RAD51B: variants seen among roughly 807,000 people sequenced by gnomAD.
The protein encoded by RAD51B is RAD51 paralog B, also known as DNA repair protein RAD51 homolog 2.
A neutral mutation model predicts 42.2 loss-of-function variants in RAD51B; 38 were observed. The observed-to-expected ratio is 0.90, with a 90% CI of 0.70 to 1.18. RAD51B has a LOEUF of 1.18. Among genes scored for constraint, RAD51B ranks in the 50% most tolerant of loss-of-function variants. The probability of loss-of-function intolerance (pLI) is 0.00; values close to 1 mark genes in which losing one functional copy is unlikely to be tolerated. For synonymous variants in RAD51B, 154 were observed against 145.2 expected (o/e 1.06, Z -0.43); for missense variants, 373 against 400.7 (o/e 0.93, Z 0.59).
intron 8 of RAD51B, among the ~76,000 whole-genome samples, chr14:68,351,729 A>C (rs2082793824): frequency 6.6e-6 from 1 of 152,244 alleles, no homozygotes; most frequent in Non-Finnish European, 1.5e-5. Context: ...GTGCGGGATT[A>C]GACCACAGTC....
chr14:67,946,625 C>G (rs964252036), intron 7 of RAD51B, among the ~76,000 whole-genome samples: 2 of 152,234 alleles, frequency 1.3e-5, no homozygotes, highest in African/African-American at 4.8e-5. Flanking sequence ...CTCGGCCTCC[C>G]AAAGTGTTGG....
intron 7 of RAD51B, among the ~76,000 whole-genome samples, chr14:68,201,806 A>G (rs181190289): frequency 6.6e-6 from 1 of 152,354 alleles, no homozygotes; most frequent in East Asian, 1.9e-4. Flanking sequence ...ATGTTAGTCA[A>G]TGACCGTTTT....
At chr14:67,960,099 A>T (rs2074632981) in intron 7 of RAD51B, among the ~76,000 whole-genome samples, 1 of 151,938 alleles carries the variant, frequency 6.6e-6, no homozygotes, top group Admixed American at 6.6e-5. Context: ...AAAAAAAAGA[A>T]GTGTGTGTGT....
chr14:68,459,738 C>G (rs2085796045), intron 9 of RAD51B, among the ~76,000 whole-genome samples: 1 of 152,222 alleles, frequency 6.6e-6, no homozygotes, highest in Non-Finnish European at 1.5e-5. Flanking sequence ...TGCTGAACTT[C>G]TCTTTGCTGA....
intron 4 of RAD51B, among the ~76,000 whole-genome samples, chr14:67,862,471 A>C (rs1028025135): frequency 6.6e-6 from 1 of 152,100 alleles, no homozygotes; most frequent in Non-Finnish European, 1.5e-5. Context: ...TAAAAATGTT[A>C]AAATGTGACA....
intron 7 of RAD51B, among the ~76,000 whole-genome samples, chr14:68,166,880 A>G (rs2078764498): frequency 6.6e-6 from 1 of 151,454 alleles, no homozygotes; most frequent in Non-Finnish European, 1.5e-5. Flanking sequence ...AAGCTGAAAA[A>G]CCCTCACCCC....
intron 9 of RAD51B, among the ~76,000 whole-genome samples, chr14:68,454,807 T>C (rs1416359177): frequency 6.6e-6 from 1 of 152,130 alleles, no homozygotes; most frequent in Non-Finnish European, 1.5e-5. Context: ...CATTACCAGG[T>C]AGTGCCAACA....
intron 7 of RAD51B, among the ~76,000 whole-genome samples, chr14:68,247,382 A>G (rs1171753223): frequency 6.6e-6 from 1 of 152,224 alleles, no homozygotes; most frequent in Non-Finnish European, 1.5e-5. Flanking sequence ...GTCATCATAG[A>G]ACTGGAAGGC....
At chr14:68,584,444 G>A (rs1890359627) in intron 10 of RAD51B, among the ~76,000 whole-genome samples, 2 of 152,050 alleles carry the variant, frequency 1.3e-5, no homozygotes, top group African/African-American at 4.8e-5. Flanking sequence ...TTACAATCGA[G>A]CAAGCCTCTT....
chr14:68,437,952 T>C (rs73278308), intron 9 of RAD51B, among the ~76,000 whole-genome samples: 2,330 of 152,180 alleles, frequency 0.015, 64 homozygotes, highest in African/African-American at 0.053. Context: ...GAACAAAGGC[T>C]CTGAGGTGGG....
chr14:68,510,003 C>G (rs899212647), intron 10 of RAD51B, among the ~76,000 whole-genome samples: 1 of 152,166 alleles, frequency 6.6e-6, no homozygotes, highest in East Asian at 1.9e-4. Flanking sequence ...TACACAGGAC[C>G]AGGTTCTGTG....
At chr14:67,869,631 T>C (rs992321893) in intron 5 of RAD51B, among the ~76,000 whole-genome samples, 1 of 152,014 alleles carries the variant, frequency 6.6e-6, no homozygotes, top group Non-Finnish European at 1.5e-5. Flanking sequence ...AGACACATAA[T>C]TGTCAGATTC....
At chr14:68,364,494 G>A (rs550151853) in intron 8 of RAD51B, among the ~76,000 whole-genome samples, 36 of 152,236 alleles carry the variant, frequency 2.4e-4, no homozygotes, top group Admixed American at 1.6e-3. Flanking sequence ...GAGGACCGCC[G>A]GGCGCGGTGG....
chr14:68,329,315 G>A (rs2082303581), intron 8 of RAD51B, among the ~76,000 whole-genome samples: 1 of 152,088 alleles, frequency 6.6e-6, no homozygotes, highest in South Asian at 2.1e-4. Flanking sequence ...GGCTTATTAT[G>A]TCAATTTGAA....
At chr14:68,499,879 G>A (rs1378958067) in intron 10 of RAD51B, among the ~76,000 whole-genome samples, 1 of 152,190 alleles carries the variant, frequency 6.6e-6, no homozygotes, top group African/African-American at 2.4e-5. Flanking sequence ...GGACTATAGA[G>A]AATACATTTC....
chr14:68,279,212 T>A (rs879452405), intron 7 of RAD51B, among the ~76,000 whole-genome samples: 1 of 152,204 alleles, frequency 6.6e-6, no homozygotes, highest in African/African-American at 2.4e-5. Context: ...GAGGAGTCCA[T>A]GAGAAGGAAC....
intron 7 of RAD51B, among the ~76,000 whole-genome samples, chr14:68,258,799 C>T (rs904800979): frequency 6.6e-6 from 1 of 152,156 alleles, no homozygotes; most frequent in Admixed American, 6.5e-5. Flanking sequence ...TTGGTATTAA[C>T]TTAGACTTTT....
At chr14:68,066,133 A>G (rs902534700) in intron 7 of RAD51B, among the ~76,000 whole-genome samples, 4 of 152,238 alleles carry the variant, frequency 2.6e-5, no homozygotes, top group Admixed American at 6.5e-5. Context: ...TTTATACAGT[A>G]TAGTCTTATG....
At chr14:68,224,996 A>T (rs188306087) in intron 7 of RAD51B, among the ~76,000 whole-genome samples, 1 of 152,078 alleles carries the variant, frequency 6.6e-6, no homozygotes, top group East Asian at 1.9e-4. Flanking sequence ...CGGCCCAAAA[A>T]GCTATTTTCT....
Sources: gnomAD v4.1 joint callset for allele counts (sites outside exome capture counted in the v4.1 genomes callset) on GRCh38, gnomAD v4.1.1 for gene constraint, MANE v1.5 for transcripts, NCBI Gene and HGNC (gene_info 2026-07-23, HGNC 2026-07-21) for gene names.